BRIP1: variants seen among roughly 807,000 people sequenced by gnomAD.
The protein encoded by BRIP1 is BRCA1 interacting DNA helicase 1, also known as Fanconi anemia group J protein.
Under a neutral mutation model 119.7 loss-of-function variants are expected in BRIP1, and 88 were observed. The observed-to-expected ratio is 0.74, with a 90% CI of 0.62 to 0.88. The LOEUF (loss-of-function observed/expected upper bound fraction) is 0.88, where lower values mean the gene tolerates loss of function less well. Among genes scored for constraint, BRIP1 ranks in the 40% least tolerant of loss-of-function variants. The pLI, the probability that BRIP1 is intolerant of heterozygous loss-of-function variation, is 0.00. For missense variants in BRIP1, 1,259 were observed against 1,455.4 expected (o/e 0.87, Z 2.20); for synonymous variants, 443 against 496.5 (o/e 0.89, Z 1.43).
At position 61,742,237 on chromosome 17, in the gene BRIP1, G is replaced by A. The variant is rs2076995777; in HGVS notation, c.2379+776C>T. 6.6e-6 allele frequency among the ~76,000 whole-genome samples: 1 copy of A among 152,204 alleles called. No individual in the cohort carries two copies. Among genetic ancestry groups the A allele is most frequent in the African/African-American group, 2.4e-5 (1 of 41,462 alleles). On this transcript the variant is annotated intron_variant, in intron 16 of 19. Transcript: ENST00000259008. The surrounding 1 kb of genome is among the most constrained non-coding windows in gnomAD (Gnocchi z 4.7). The stretch of plus-strand genomic sequence containing the variant: ...TTGAAGAGAGTTAGGGCCTTGCTCT[G>A]AATTAAGTTTTGGCTTAAGAGAATG...
At position 61,794,119 on chromosome 17, in the gene BRIP1, G is replaced by A. The variant is rs952487279; in HGVS notation, c.1341-390C>T. On this transcript the variant is annotated intron_variant, in intron 9 of 19. Transcript: ENST00000259008. The surrounding 1 kb of genome is among the most constrained non-coding windows in gnomAD (Gnocchi z 4.3). ...AAGTGTTACATATTAACACAAAAAA[G>A]AGAATTACTAGAAAATATATAAATA... 6.6e-6 allele frequency among the ~76,000 whole-genome samples: 1 copy of A among 151,976 alleles called. No individual in the cohort carries two copies. The highest frequency in any genetic ancestry group is 1.5e-5 in the Non-Finnish European group (1 of 67,996).
rs2076751926 is a variant in BRIP1, at chr17:61,725,302, A to G, written c.2380-9239T>C. Among the ~76,000 whole-genome samples the G allele has an allele frequency of 6.6e-6, 1 of 152,218 alleles. No individual in the cohort carries two copies. Among genetic ancestry groups the G allele is most frequent in the Non-Finnish European group, 1.5e-5 (1 of 68,032 alleles). ...CCTGTTACGTTACAACTTGACCACA[A>G]TAATCTATCAAGACATAGTAACAGC... is the stretch of plus-strand genomic sequence containing the variant. On this transcript the variant is annotated intron_variant, in intron 16 of 19. Coordinates refer to ENST00000259008, the MANE Select transcript of BRIP1 (RefSeq NM_032043.3). The surrounding 1 kb of genome is among the most constrained non-coding windows in gnomAD (Gnocchi z 5.3).
intron 16 of BRIP1, among the ~76,000 whole-genome samples, chr17:61,737,575 T>C (rs543913904): frequency 6.6e-6 from 1 of 152,338 alleles, no homozygotes; most frequent in East Asian, 1.9e-4. Context: ...TTAACTTTTA[T>C]ATTCCATAGA....
At chr17:61,801,116 C>T (rs2077982597) in intron 8 of BRIP1, 137 bp downstream of exon 8, 1 of 757,558 alleles carries the variant, frequency 1.3e-6, no homozygotes, top group Non-Finnish European at 2.2e-6. Flanking sequence ...GATATGTTTT[C>T]AGTACTCTAA....
At position 61,746,873 on chromosome 17, in the gene BRIP1, G is replaced by A. The variant is rs1229418470; in HGVS notation, c.2098-2282C>T. ...ATATAGAACATTTTACCCAACAGCAGCAAAATACATATTCTTCACAACTGT... is the reference window on the plus strand; with the variant it reads ...ATATAGAACATTTTACCCAACAGCAACAAAATACATATTCTTCACAACTGT... On this transcript the variant is annotated intron_variant, in intron 14 of 19. Transcript: ENST00000259008. The surrounding 1 kb of genome is among the most constrained non-coding windows in gnomAD (Gnocchi z 4.9). Among the ~76,000 whole-genome samples the A allele has an allele frequency of 6.6e-6, 1 of 152,038 alleles. No homozygotes were observed. Among genetic ancestry groups the A allele is most frequent in the Admixed American group, 6.5e-5 (1 of 15,270 alleles).
In BRIP1 at chr17:61,825,044, G is replaced by A. The variant is rs1459998352; in HGVS notation, c.628-16287C>T. ...CTCACGCCTGTAATCCCAACACTTT[G>A]GGAGGCTGAGGCAGGCGGATCGCAA... On this transcript the variant is annotated intron_variant, in intron 6 of 19. Coordinates refer to ENST00000259008, the MANE Select transcript of BRIP1 (RefSeq NM_032043.3). The surrounding 1 kb of genome is among the most constrained non-coding windows in gnomAD (Gnocchi z 4.1). Among the ~76,000 whole-genome samples, 1 of 152,172 alleles carries A rather than the reference G, an allele frequency of 6.6e-6. No individual in the cohort carries two copies. The highest frequency in any genetic ancestry group is 1.5e-5 in the Non-Finnish European group (1 of 68,032).
chr17:61,770,986 G>A lies in BRIP1; in HGVS notation c.2097+5415C>T, dbSNP rs1029808466. ...CACTCAAGTTAAAAGGCAGAGATAAGCAGAATGAATTTTTCAAATGCTCCA... is the reference window on the plus strand; with the variant it reads ...CACTCAAGTTAAAAGGCAGAGATAAACAGAATGAATTTTTCAAATGCTCCA... On this transcript the variant is annotated intron_variant, in intron 14 of 19. Transcript: ENST00000259008. This position sits in a 1 kb window ranked among gnomAD's most constrained non-coding sequence, Gnocchi z 4.7. Among the ~76,000 whole-genome samples, 1 of 152,164 alleles carries A rather than the reference G, an allele frequency of 6.6e-6. No homozygotes were observed. Among genetic ancestry groups the A allele is most frequent in the Non-Finnish European group, 1.5e-5 (1 of 68,010 alleles).
At chr17:61,787,880 G>A (rs928125751) in intron 10 of BRIP1, among the ~76,000 whole-genome samples, 1 of 152,078 alleles carries the variant, frequency 6.6e-6, no homozygotes, top group East Asian at 1.9e-4. Flanking sequence ...TCCTGACCTC[G>A]TGATCTGCCC....
chr17:61,808,146 A>C lies in BRIP1; in HGVS notation c.918+321T>G, dbSNP rs2078101215. ...TCTAATTAGACTAAACCATTTAAAC[A>C]CTTCTATCTCCTCATATGATATCAT... On this transcript the variant is annotated intron_variant, in intron 7 of 19. Coordinates refer to ENST00000259008, the MANE Select transcript of BRIP1 (RefSeq NM_032043.3). This position sits in a 1 kb window ranked among gnomAD's most constrained non-coding sequence, Gnocchi z 4.1. Among the ~76,000 whole-genome samples, 1 of 152,092 alleles carries C rather than the reference A, an allele frequency of 6.6e-6. No homozygotes were observed. Among genetic ancestry groups the C allele is most frequent in the Non-Finnish European group, 1.5e-5 (1 of 68,000 alleles).
intron 11 of BRIP1, 107 bp downstream of exon 11, chr17:61,784,163 T>C: frequency 1.0e-6 from 1 of 968,682 alleles, no homozygotes; most frequent in Non-Finnish European, 1.6e-6. Context: ...ACACTTGTTT[T>C]CAATTCTCCT....
chr17:61,853,964 C>T lies in BRIP1; in HGVS notation c.379+3094G>A, dbSNP rs1041566174. On this transcript the variant is annotated intron_variant, in intron 4 of 19. Coordinates refer to ENST00000259008, the MANE Select transcript of BRIP1 (RefSeq NM_032043.3). The surrounding 1 kb of genome is among the most constrained non-coding windows in gnomAD (Gnocchi z 4.3). Reference sequence around the variant, plus strand: ...AAATTAAAACCACAATGAGATACTGCCACATGCCTATTAGAGTAGCTAAAA... The same window carrying T: ...AAATTAAAACCACAATGAGATACTGTCACATGCCTATTAGAGTAGCTAAAA... Among the ~76,000 whole-genome samples the T allele has an allele frequency of 9.9e-5, 15 of 152,090 alleles. No homozygotes were observed. The highest frequency in any genetic ancestry group is 1.9e-4 in the Non-Finnish European group (13 of 68,012).
In BRIP1 at chr17:61,804,962, G is replaced by C. The variant is rs992708318; in HGVS notation, c.919-3488C>G. 3.6e-4 allele frequency among the ~76,000 whole-genome samples: 24 copies of C among 65,770 alleles called. No homozygotes were observed. The highest frequency in any genetic ancestry group is 9.1e-4 in the African/African-American group (21 of 22,964). The allele number at this position is 65,770 out of a possible 152,430, so 43.1% of individuals were successfully genotyped here. ...GAAATGTCTCTCTCTTTCTGTGTGT[G>C]TGTGTGTGTGTGTGTGTGTGTGTGT... is the stretch of plus-strand genomic sequence containing the variant. On this transcript the variant is annotated intron_variant, in intron 7 of 19. Transcript: ENST00000259008. This position sits in a 1 kb window ranked among gnomAD's most constrained non-coding sequence, Gnocchi z 4.5.
chr17:61,700,650 G>C lies in BRIP1; in HGVS notation c.2493-7138C>G, dbSNP rs2061599980. On this transcript the variant is annotated intron_variant, in intron 17 of 19. Transcript: ENST00000259008. This position sits in a 1 kb window ranked among gnomAD's most constrained non-coding sequence, Gnocchi z 4.1. Reference sequence around the variant, plus strand: ...GAATCTCCCTGAGTTCATCCTACTTGGAGTTCGCTTATCTTCTTGGATGTA... The same window carrying C: ...GAATCTCCCTGAGTTCATCCTACTTCGAGTTCGCTTATCTTCTTGGATGTA... 6.6e-6 allele frequency among the ~76,000 whole-genome samples: 1 copy of C among 152,036 alleles called. No individual in the cohort carries two copies. Among genetic ancestry groups the C allele is most frequent in the Non-Finnish European group, 1.5e-5 (1 of 68,012 alleles).
Position 61,757,626 on chromosome 17 carries a change from A to G in BRIP1, c.2098-13035T>C, listed in dbSNP as rs778567070. Among the ~76,000 whole-genome samples, 19 of 152,200 alleles carry G rather than the reference A, an allele frequency of 1.2e-4. No individual in the cohort carries two copies. The highest frequency in any genetic ancestry group is 2.4e-4 in the Non-Finnish European group (16 of 68,036). The stretch of plus-strand genomic sequence containing the variant: ...AATATACAATGATATTTACAATGCA[A>G]AAAACTTCAAAAAATGACATTTGTA... On this transcript the variant is annotated intron_variant, in intron 14 of 19. Transcript: ENST00000259008. The surrounding 1 kb of genome is among the most constrained non-coding windows in gnomAD (Gnocchi z 4.3).
chr17:61,709,881 TA>T lies in BRIP1; in HGVS notation c.2492+6069del, dbSNP rs2144329098. Among the ~76,000 whole-genome samples, 1 of 152,240 alleles carries T rather than the reference TA, an allele frequency of 6.6e-6. No homozygotes were observed. Among genetic ancestry groups the T allele is most frequent in the South Asian group, 2.1e-4 (1 of 4,820 alleles). ...ATACTCTAACAGTCCCATGTGTGCTTAAAAAAATTAACATTAAAAGGAATCC... is the reference window on the plus strand; with the variant it reads ...ATACTCTAACAGTCCCATGTGTGCTTAAAAAATTAACATTAAAAGGAATCC... On this transcript the variant is annotated intron_variant, in intron 17 of 19. Transcript: ENST00000259008. This position sits in a 1 kb window ranked among gnomAD's most constrained non-coding sequence, Gnocchi z 5.0.
intron 14 of BRIP1, among the ~76,000 whole-genome samples, chr17:61,766,288 C>T (rs1178416654): frequency 6.6e-6 from 1 of 152,048 alleles, no homozygotes; most frequent in Non-Finnish European, 1.5e-5. Flanking sequence ...AACAAAGGAA[C>T]AAACAAAGGA....
At chr17:61,820,562 TAAAG>T (rs895377056) in intron 6 of BRIP1, among the ~76,000 whole-genome samples, 6 of 152,184 alleles carry the variant, frequency 3.9e-5, no homozygotes, top group Non-Finnish European at 8.8e-5. Flanking sequence ...CCCTGCCACT[TAAAG>T]AATGTAATCA....
rs2145074950 is a variant in BRIP1, at chr17:61,780,276, G to T, written c.1920C>A (p.Ile640=). 1.2e-6 allele frequency: 2 copies of T among 1,611,364 alleles called. No individual in the cohort carries two copies. Among genetic ancestry groups the T allele is most frequent in the Non-Finnish European group, 1.7e-6 (2 of 1,178,644 alleles). The change falls in exon 13 of 20, where the codon ATC becomes ATA. Residue 640 remains isoleucine (I), a synonymous_variant. Coordinates refer to ENST00000259008, the MANE Select transcript of BRIP1 (RefSeq NM_032043.3). This position sits in a 1 kb window ranked among gnomAD's most constrained non-coding sequence, Gnocchi z 5.4. The stretch of plus-strand genomic sequence containing the variant: ...AACAACTAACCTGTGAATTTTTAAT[G>T]ATATGATTAGCCTCCAGCTGGATAG... ...TFTIQLEANH[I]IKNSQVWVGT...
intron 6 of BRIP1, among the ~76,000 whole-genome samples, chr17:61,839,018 T>G (rs1256636047): frequency 6.6e-6 from 1 of 152,106 alleles, no homozygotes; most frequent in Non-Finnish European, 1.5e-5. Context: ...TAAGTCACTT[T>G]GCAAAGACTA....
Sources: allele counts gnomAD v4.1 joint callset (sites outside exome capture counted in the v4.1 genomes callset), GRCh38; gene constraint gnomAD v4.1.1; non-coding constraint Gnocchi (gnomAD v3.1); transcripts MANE v1.5; gene names NCBI Gene and HGNC (gene_info 2026-07-23, HGNC 2026-07-21).